Variants in ZNF106 observed in about 807,000 individuals in gnomAD.
ZNF106 encodes the protein zinc finger protein 106.
A neutral mutation model predicts 195.1 loss-of-function variants in ZNF106; 67 were observed. The observed-to-expected ratio is 0.34, with a 90% CI of 0.28 to 0.42. The LOEUF (loss-of-function observed/expected upper bound fraction) is 0.42. Among genes scored for constraint, ZNF106 ranks in the 10% least tolerant of loss-of-function variants. The pLI, the probability that ZNF106 is intolerant of heterozygous loss-of-function variation, is 1.00. For missense variants in ZNF106, 2,118 were observed against 2,304.5 expected, an observed-to-expected ratio of 0.92 and a Z score of 1.66; for synonymous variants, 784 against 818.6, an observed-to-expected ratio of 0.96 and a Z score of 0.72.
chr15:42,483,002 G>A (rs2056937497), intron 1 of ZNF106, among the ~76,000 whole-genome samples: 1 of 152,092 alleles, frequency 6.6e-6, no homozygotes, highest in Non-Finnish European at 1.5e-5. Flanking sequence ...AGTTGCTTGA[G>A]CTTTATCTTC....
At chr15:42,430,659 A>C (rs2055017364) in intron 14 of ZNF106, among the ~76,000 whole-genome samples, 1 of 152,072 alleles carries the variant, frequency 6.6e-6, no homozygotes, top group African/African-American at 2.4e-5. Flanking sequence ...TGTTAAGATT[A>C]TAGGCATGAA....
intron 5 of ZNF106, 79 bp from the exon 6 acceptor site, chr15:42,448,784 T>C: frequency 6.9e-7 from 1 of 1,442,956 alleles, no homozygotes; most frequent in Non-Finnish European, 9.2e-7. Flanking sequence ...TGTGCCAGGC[T>C]CTCTCAAGCA....
chr15:42,447,956 A>T, intron 6 of ZNF106, 116 bp downstream of exon 6: 2 of 1,210,574 alleles, frequency 1.7e-6, no homozygotes, highest in African/African-American at 1.5e-5. Context: ...CAATTCTTCT[A>T]GAAGTTGAGA....
At chr15:42,469,016 G>A (rs1234255784) in intron 2 of ZNF106, among the ~76,000 whole-genome samples, 4 of 151,808 alleles carry the variant, frequency 2.6e-5, no homozygotes, top group South Asian at 2.1e-4. Context: ...GTGAAACCCC[G>A]TCTCTACTAA....
chr15:42,417,495 GCT>G, intron 21 of ZNF106, 135 bp from the exon 22 acceptor site: 1 of 993,716 alleles, frequency 1.0e-6, no homozygotes, highest in Non-Finnish European at 1.5e-6. Context: ...CCAGCACTTT[GCT>G]AACTTACGTG....
In ZNF106 at chr15:42,439,752, C is replaced by T; in HGVS notation, c.3825G>A (p.Glu1275=). The T allele has an allele frequency of 6.2e-7, 1 of 1,610,332 alleles. No homozygotes were observed. The highest frequency in any genetic ancestry group is 8.5e-7 in the Non-Finnish European group (1 of 1,178,422). ...TAGGCTCATGGAAACTTTCTGTTGACTCTGGTAAGGACAATCTAGCAGTGA... is the reference window on the plus strand; with the variant it reads ...TAGGCTCATGGAAACTTTCTGTTGATTCTGGTAAGGACAATCTAGCAGTGA... ...PVITARLSLP[E]STESFHEPSQ... Residue 1275 remains glutamate, a synonymous_variant, in exon 11 of 22, where the codon GAG becomes GAA. Transcript: ENST00000564754.
chr15:42,440,983 TAAA>T lies in ZNF106; in HGVS notation c.3763+1087_3763+1089del, dbSNP rs35854257. On this transcript the variant is annotated intron_variant, in intron 10 of 21. Coordinates refer to ENST00000564754, the MANE Select transcript of ZNF106 (RefSeq NM_001366845.3). ...GGGCAACAAAAAGCGAAACTCTGTC[TAAA>T]AAAAAAAAAAAAATATATATATATA... Among the ~76,000 whole-genome samples, 48 of 19,800 alleles carry T rather than the reference TAAA, an allele frequency of 2.4e-3. 1 individual carries two copies. The highest frequency in any genetic ancestry group is 9.4e-3 in the African/African-American group (24 of 2,562). 13.0% of individuals were successfully genotyped at this position (19,800 alleles called of 152,430 possible). A position where few individuals can be genotyped will look rare whatever the true frequency, so the allele number is the denominator to read the frequency against.
Position 42,417,242 on chromosome 15 carries a change from T to C in ZNF106, c.*62A>G. ...CCAAGAAAGGGAAGAGAGTGGCCTGTGTGGGGGGCCAATGTGAAAATAGTT... is the reference window on the plus strand; with the variant it reads ...CCAAGAAAGGGAAGAGAGTGGCCTGCGTGGGGGGCCAATGTGAAAATAGTT... On this transcript the variant is annotated 3_prime_UTR_variant, in exon 22 of 22. Coordinates refer to ENST00000564754, the MANE Select transcript of ZNF106 (RefSeq NM_001366845.3). The C allele has an allele frequency of 1.3e-6, 2 of 1,570,130 alleles. No homozygotes were observed. Among genetic ancestry groups the C allele is most frequent in the Admixed American group, 1.7e-5 (1 of 59,626 alleles).
intron 20 of ZNF106, among the ~76,000 whole-genome samples, chr15:42,418,532 ATTTTTTTTTTTTTTTT>A (rs1162999546): frequency 1.0e-5 from 1 of 96,228 alleles, no homozygotes; most frequent in Non-Finnish European, 2.0e-5. Flanking sequence ...CGGCCAGTTA[ATTTTTTTTTTTTTTTT>A]TTTTTTTTTT....
intron 21 of ZNF106, 83 bp from the exon 22 acceptor site, chr15:42,417,443 G>T: frequency 6.6e-7 from 1 of 1,526,328 alleles, no homozygotes; most frequent in Non-Finnish European, 9.0e-7. Flanking sequence ...AGCCATGTGG[G>T]TCCATTCCAC....
Position 42,450,133 on chromosome 15 carries a change from T to C in ZNF106, c.2139A>G (p.Glu713=). 1 of 1,614,220 alleles carries C rather than the reference T, an allele frequency of 6.2e-7. No individual in the cohort carries two copies. The highest frequency in any genetic ancestry group is 1.1e-5 in the South Asian group (1 of 91,088). The change falls in exon 5 of 22, where the codon GAA becomes GAG. Residue 713 remains glutamate, a synonymous_variant. Transcript: ENST00000564754. ...DDSIKSHVSY[E]TEGFESASLD... is the part of the protein sequence containing the mutation. The stretch of plus-strand genomic sequence containing the variant: ...AGCTAGCACTCTCAAAGCCTTCTGT[T>C]TCATAAGATACATGAGATTTAATAG...
At position 42,425,015 on chromosome 15, in the gene ZNF106, C is replaced by A. The variant is rs201102338; in HGVS notation, c.5009G>T (p.Arg1670Leu). The A allele has an allele frequency of 5.0e-5, 81 of 1,613,656 alleles. No homozygotes were observed. Among genetic ancestry groups the A allele is most frequent in the Middle Eastern group, 4.9e-4 (3 of 6,072 alleles). ...VVTFNIKNNK[R>L]LEIFECHGPR... Reference sequence around the variant, plus strand: ...GCCATGGCATTCAAAGATCTCAAGTCGTTTGTTGTTCTGGAAAATAAGCCA... The same window carrying A: ...GCCATGGCATTCAAAGATCTCAAGTAGTTTGTTGTTCTGGAAAATAAGCCA... The change falls in exon 16 of 22, where the codon CGA (arginine) becomes CTA (leucine). Residue 1670 changes from arginine to leucine, a missense_variant. Arg to Leu is a moderately radical substitution (Grantham distance 102). Transcript: ENST00000564754.
Position 42,438,660 on chromosome 15 carries a change from C to T in ZNF106, c.4552G>A (p.Glu1518Lys), listed in dbSNP as rs748137162. 1 of 1,613,706 alleles carries T rather than the reference C, an allele frequency of 6.2e-7. No individual in the cohort carries two copies. The highest frequency in any genetic ancestry group is 1.7e-5 in the Admixed American group (1 of 60,008). Residue 1518 changes from glutamate to lysine, a missense_variant, in exon 12 of 22, where the codon GAA becomes AAA. Coordinates refer to ENST00000564754, the MANE Select transcript of ZNF106 (RefSeq NM_001366845.3). ...ATGGAGGAGATCACAGTCTGAGTTT[C>T]TGCCACACTACAAAATAATAGCAAA... ...YKDGIPVSVA[E>K]TQTVISSIKG...
intron 1 of ZNF106, among the ~76,000 whole-genome samples, chr15:42,478,101 G>C (rs2595935): frequency 7.3e-5 from 11 of 151,012 alleles, no homozygotes; most frequent in Admixed American, 2.6e-4. Flanking sequence ...CAAAAAAAAA[G>C]ACAAAAATCT....
At chr15:42,433,025 T>C (rs960990152) in intron 14 of ZNF106, among the ~76,000 whole-genome samples, 2 of 152,168 alleles carry the variant, frequency 1.3e-5, no homozygotes, top group African/African-American at 4.8e-5. Context: ...AGGTCTCCAA[T>C]TTGCTATTTG....
At chr15:42,428,661 G>C (rs2054941881) in intron 14 of ZNF106, among the ~76,000 whole-genome samples, 1 of 152,184 alleles carries the variant, frequency 6.6e-6, no homozygotes, top group Admixed American at 6.5e-5. Flanking sequence ...CCCCATCCCT[G>C]AGACTCTTAA....
intron 4 of ZNF106, among the ~76,000 whole-genome samples, chr15:42,454,911 G>T (rs929275242): frequency 1.3e-5 from 2 of 150,664 alleles, no homozygotes; most frequent in African/African-American, 4.9e-5. Context: ...AAAAAAAAAA[G>T]AAGTAGATGA....
intron 17 of ZNF106, among the ~76,000 whole-genome samples, chr15:42,423,141 G>A (rs1241263586): frequency 6.6e-6 from 1 of 151,954 alleles, no homozygotes; most frequent in African/African-American, 2.4e-5. Context: ...GCCGAGCTGG[G>A]CAGATTACTT....
chr15:42,478,602 G>A (rs544021374), intron 1 of ZNF106, among the ~76,000 whole-genome samples: 57 of 135,256 alleles, frequency 4.2e-4, no homozygotes, highest in Non-Finnish European at 5.7e-4. Flanking sequence ...GGCAACCTCC[G>A]CCTCCCAGGT....
Sources: allele counts gnomAD v4.1 joint callset (sites outside exome capture counted in the v4.1 genomes callset), GRCh38; gene constraint gnomAD v4.1.1; transcripts MANE v1.5; gene names NCBI Gene and HGNC (gene_info 2026-07-23, HGNC 2026-07-21).